CDH8: variants seen among roughly 807,000 people sequenced by gnomAD.
CDH8 encodes the protein cadherin 8.
Under a neutral mutation model 68.1 loss-of-function variants are expected in CDH8, and 17 were observed. The observed-to-expected ratio is 0.25, with a 90% CI of 0.17 to 0.37. The LOEUF (loss-of-function observed/expected upper bound fraction) is 0.37, where lower values mean the gene tolerates loss of function less well. CDH8 is among the 10% of genes least tolerant of loss of function. CDH8 has a pLI of 1.00. For missense variants in CDH8, 763 were observed against 999.3 expected (o/e 0.76, Z 3.19); for synonymous variants, 372 against 365.1 (o/e 1.02, Z -0.21).
intron 6 of CDH8, among the ~76,000 whole-genome samples, chr16:61,820,327 T>TTTTG (rs1962182638): frequency 6.7e-6 from 1 of 148,180 alleles, no homozygotes; most frequent in African/African-American, 2.5e-5. Flanking sequence ...TTTTTTTTTT[T>TTTTG]TTTTTTTTTT....
chr16:61,841,773 T>C (rs1020714198), intron 4 of CDH8, among the ~76,000 whole-genome samples: 1 of 152,184 alleles, frequency 6.6e-6, no homozygotes, highest in Non-Finnish European at 1.5e-5. Context: ...ACACCTCATA[T>C]ACCCAATAAA....
intron 10 of CDH8, chr16:61,693,390 A>G (rs774680909): frequency 6.6e-6 from 1 of 152,134 alleles, no homozygotes; most frequent in Non-Finnish European, 1.5e-5. Flanking sequence ...CTAGAAAGAC[A>G]CATTTGAGTA....
At chr16:61,719,262 C>G (rs1418324512) in intron 9 of CDH8, among the ~76,000 whole-genome samples, 1 of 151,030 alleles carries the variant, frequency 6.6e-6, no homozygotes, top group Non-Finnish European at 1.5e-5. Flanking sequence ...CTTATTGACA[C>G]ACTAAATGAA....
At chr16:62,026,637 T>C (rs1902204404) in intron 1 of CDH8, among the ~76,000 whole-genome samples, 1 of 152,214 alleles carries the variant, frequency 6.6e-6, no homozygotes, top group Non-Finnish European at 1.5e-5. Flanking sequence ...TGACAATACT[T>C]TCCTCTCCTC....
chr16:61,927,248 T>C (rs932809339), intron 2 of CDH8, among the ~76,000 whole-genome samples: 2 of 152,148 alleles, frequency 1.3e-5, no homozygotes, highest in African/African-American at 2.4e-5. Context: ...ATGGAGTCAG[T>C]ATGGGGTTTA....
intron 8 of CDH8, among the ~76,000 whole-genome samples, chr16:61,772,920 C>T (rs774009959): frequency 1.3e-5 from 2 of 152,002 alleles, no homozygotes; most frequent in African/African-American, 4.8e-5. Flanking sequence ...CATTCATAAC[C>T]TATTCTGCTC....
chr16:61,953,530 C>T (rs2143598420), intron 2 of CDH8, among the ~76,000 whole-genome samples: 1 of 151,668 alleles, frequency 6.6e-6, no homozygotes, highest in African/African-American at 2.4e-5. Flanking sequence ...GTTCTTGTCT[C>T]CCAAAATTTC....
Position 61,857,147 on chromosome 16 carries a change from C to T in CDH8, c.639G>A (p.Gln213=), listed in dbSNP as rs139425877. The part of the protein sequence containing the change: ...AKLVYSILEG[Q]PYFSIEPETA... The stretch of plus-strand genomic sequence containing the variant: ...TTTCAGGCTCAATGGAAAAATAAGG[C>T]TGCCCTTCCAATATACTATAAACCA... The change falls in exon 4 of 12, where the codon CAG becomes CAA. Residue 213 remains glutamine (Q), a synonymous_variant. Transcript: ENST00000577390. 2 of 1,613,616 alleles carry T rather than the reference C, an allele frequency of 1.2e-6. No homozygotes were observed. Among genetic ancestry groups the T allele is most frequent in the Non-Finnish European group, 1.7e-6 (2 of 1,179,628 alleles).
intron 3 of CDH8, among the ~76,000 whole-genome samples, chr16:61,860,691 G>T (rs1180425224): frequency 6.6e-6 from 1 of 151,996 alleles, no homozygotes; most frequent in Non-Finnish European, 1.5e-5. Flanking sequence ...ATGAATCTGA[G>T]AATTTAGTTC....
intron 4 of CDH8, among the ~76,000 whole-genome samples, chr16:61,845,040 G>A (rs1255290970): frequency 6.6e-6 from 1 of 152,030 alleles, no homozygotes; most frequent in African/African-American, 2.4e-5. Context: ...TTCTTTCCTT[G>A]ACCCCATTTG....
chr16:61,883,098 G>A (rs1444214635), intron 3 of CDH8, among the ~76,000 whole-genome samples: 1 of 152,080 alleles, frequency 6.6e-6, no homozygotes, highest in Non-Finnish European at 1.5e-5. Flanking sequence ...CTCCCTGCCA[G>A]GCTTTGTGCT....
At chr16:61,895,015 A>G (rs1411161373) in intron 3 of CDH8, among the ~76,000 whole-genome samples, 2 of 152,134 alleles carry the variant, frequency 1.3e-5, no homozygotes, top group Non-Finnish European at 2.9e-5. Flanking sequence ...ATTATCACAT[A>G]GCTCTTCATT....
intron 8 of CDH8, among the ~76,000 whole-genome samples, chr16:61,733,137 A>G (rs556400758): frequency 6.6e-6 from 1 of 151,924 alleles, no homozygotes; most frequent in Non-Finnish European, 1.5e-5. Context: ...ATAGGAGGGG[A>G]AGGCAATAGA....
At chr16:61,913,354 T>G (rs1225380650) in intron 2 of CDH8, among the ~76,000 whole-genome samples, 1 of 152,180 alleles carries the variant, frequency 6.6e-6, no homozygotes, top group Non-Finnish European at 1.5e-5. Flanking sequence ...CAATTAGGGA[T>G]GCTCAATTTG....
chr16:62,011,001 A>T (rs1001505505), intron 2 of CDH8, among the ~76,000 whole-genome samples: 8 of 151,748 alleles, frequency 5.3e-5, no homozygotes, highest in Non-Finnish European at 1.2e-4. Context: ...GGATAATGTC[A>T]TCAGTTTCCT....
chr16:61,676,989 G>A (rs1470618035), intron 10 of CDH8, among the ~76,000 whole-genome samples: 1 of 151,954 alleles, frequency 6.6e-6, no homozygotes, highest in Non-Finnish European at 1.5e-5. Flanking sequence ...CTGTGCACTT[G>A]AAAAGAGGTT....
intron 10 of CDH8, among the ~76,000 whole-genome samples, chr16:61,675,624 A>T (rs74743965): frequency 1.1e-4 from 7 of 65,828 alleles, no homozygotes; most frequent in African/African-American, 6.2e-4. Context: ...AAAATAAAAA[A>T]AATAAAAAAA....
At chr16:62,013,661 T>G (rs1901870591) in intron 2 of CDH8, among the ~76,000 whole-genome samples, 1 of 152,224 alleles carries the variant, frequency 6.6e-6, no homozygotes, top group African/African-American at 2.4e-5. Flanking sequence ...ATCTTAATTT[T>G]TTAATGACTT....
chr16:61,668,339 CTGCTCTTAATTAGTA>C (rs1420704542), intron 10 of CDH8, among the ~76,000 whole-genome samples: 8 of 151,798 alleles, frequency 5.3e-5, no homozygotes, highest in African/African-American at 1.9e-4. Flanking sequence ...ATTTTTTTCT[CTGCTCTTAATTAGTA>C]TGCTTGCTCT....
Sources: allele counts gnomAD v4.1 joint callset (sites outside exome capture counted in the v4.1 genomes callset), GRCh38; gene constraint gnomAD v4.1.1; transcripts MANE v1.5; gene names NCBI Gene and HGNC (gene_info 2026-07-23, HGNC 2026-07-21).